The following ACSBG1 variants were observed in gnomAD, a reference collection of about 807,000 sequenced individuals.
ACSBG1 encodes long-chain-fatty-acid--CoA ligase ACSBG1.
Under a neutral mutation model 80.2 loss-of-function variants are expected in ACSBG1, and 39 were observed. The ratio of observed to expected loss-of-function variants is 0.49; its 90% CI spans 0.38 to 0.64. The LOEUF is 0.64. ACSBG1 is among the 30% of genes least tolerant of loss of function. The pLI is 0.00. For missense variants in ACSBG1, 828 were observed against 966.4 expected, an observed-to-expected ratio of 0.86 and a Z score of 1.90; for synonymous variants, 392 against 379.5, an observed-to-expected ratio of 1.03 and a Z score of -0.38.
chr15:78,214,803 C>T (rs1220103456), intron 1 of ACSBG1, among the ~76,000 whole-genome samples: 3 of 152,176 alleles, frequency 2.0e-5, no homozygotes, highest in Non-Finnish European at 2.9e-5. Flanking sequence ...AGGGGTTGTT[C>T]AAGGTCCTCC....
chr15:78,207,153 G>A (rs560969547), intron 2 of ACSBG1, among the ~76,000 whole-genome samples: 1 of 152,272 alleles, frequency 6.6e-6, no homozygotes, highest in Non-Finnish European at 1.5e-5. Context: ...CCCTGTTCCT[G>A]GCCTCTCTCC....
chr15:78,213,355 A>G (rs1310049806), intron 1 of ACSBG1: 2 of 152,284 alleles, frequency 1.3e-5, no homozygotes. Flanking sequence ...CCTAATTGCC[A>G]ATTCCCAGCC....
At chr15:78,193,654 T>C in intron 4 of ACSBG1, 28 bp from the exon 5 acceptor site, 1 of 1,603,674 alleles carries the variant, frequency 6.2e-7, no homozygotes, top group Non-Finnish European at 8.5e-7. Context: ...AGATTCACCT[T>C]AGGGGAGGTG....
chr15:78,171,697 T>C (rs2074824989), intron 13 of ACSBG1, 168 bp from the exon 14 acceptor site: 2 of 584,550 alleles, frequency 3.4e-6, no homozygotes, highest in Non-Finnish European at 3.1e-6. Flanking sequence ...GGTATTCATA[T>C]GGCTTGTGTG....
intron 2 of ACSBG1, among the ~76,000 whole-genome samples, chr15:78,200,149 C>T (rs2075153348): frequency 6.6e-6 from 1 of 152,232 alleles, no homozygotes; most frequent in Admixed American, 6.5e-5. Flanking sequence ...TTTCCTCTTC[C>T]ATGGAGCCTG....
In ACSBG1 at chr15:78,194,414, C is replaced by T. The variant is rs1031320116; in HGVS notation, c.453+92G>A. ...CAGTTATTGTTCCTAAGAGCCTTGC[C>T]CAGTGGGCAGTTGGAGAGGAGGCCT... On this transcript the variant is annotated intron_variant, in intron 3 of 13. Transcript: ENST00000258873. 2.1e-5 allele frequency: 25 copies of T among 1,204,968 alleles called. No homozygotes were observed. In the South Asian group the frequency reaches 2.8e-4, roughly 14 times the overall value. The allele number at this position is 1,204,968 out of a possible 1,614,324, so 74.6% of individuals were successfully genotyped here. A position where few individuals can be genotyped will look rare whatever the true frequency, so the allele number is the denominator to read the frequency against.
rs1056630052 is a variant in ACSBG1, at chr15:78,170,419, C to A, written c.*1025G>T. 6.6e-6 allele frequency: 1 copy of A among 151,906 alleles called. No individual in the cohort carries two copies. The highest frequency in any genetic ancestry group is 1.5e-5 in the Non-Finnish European group (1 of 67,998). 9.4% of individuals were successfully genotyped at this position (151,906 alleles called of 1,614,324 possible). ...GGTCACTTTTTAAGCTTGTAACCGCCCCCCCAGACTTATAATCTTAAATGT... is the reference window on the plus strand; with the variant it reads ...GGTCACTTTTTAAGCTTGTAACCGCACCCCCAGACTTATAATCTTAAATGT... On this transcript the variant is annotated 3_prime_UTR_variant, in exon 14 of 14. Transcript: ENST00000258873.
At chr15:78,190,496 A>G (rs547860107) in intron 5 of ACSBG1, among the ~76,000 whole-genome samples, 9 of 141,476 alleles carry the variant, frequency 6.4e-5, no homozygotes, top group Admixed American at 2.1e-4. Flanking sequence ...GCTTGAGCCC[A>G]GGAGGTTGAG....
chr15:78,232,932 C>G (rs1460426188), intron 1 of ACSBG1, among the ~76,000 whole-genome samples: 2 of 152,188 alleles, frequency 1.3e-5, no homozygotes, highest in Non-Finnish European at 2.9e-5. Context: ...CCACCCGACT[C>G]AGCCTCCCAA....
intron 5 of ACSBG1, among the ~76,000 whole-genome samples, chr15:78,192,714 TC>T (rs2141345991): frequency 6.6e-6 from 1 of 152,282 alleles, no homozygotes; most frequent in Admixed American, 6.5e-5. Context: ...CCTCTGGGGA[TC>T]CAGATCGCAT....
At chr15:78,176,437 A>G (rs895924954) in intron 11 of ACSBG1, among the ~76,000 whole-genome samples, 1 of 152,240 alleles carries the variant, frequency 6.6e-6, no homozygotes, top group Non-Finnish European at 1.5e-5. Context: ...CAAATGATCC[A>G]CAAAAGGTCA....
intron 1 of ACSBG1, among the ~76,000 whole-genome samples, chr15:78,209,537 G>A (rs2075250119): frequency 6.6e-6 from 1 of 152,210 alleles, no homozygotes; most frequent in Admixed American, 6.5e-5. Context: ...TTGGATCCTT[G>A]GTTACAGCTC....
At chr15:78,210,392 G>A (rs1227021592) in intron 1 of ACSBG1, among the ~76,000 whole-genome samples, 1 of 152,198 alleles carries the variant, frequency 6.6e-6, no homozygotes, top group African/African-American at 2.4e-5. Flanking sequence ...GGCTTTGAGA[G>A]GTGGTCCCTT....
chr15:78,175,974 A>C (rs1595879058), intron 11 of ACSBG1, among the ~76,000 whole-genome samples: 1 of 151,496 alleles, frequency 6.6e-6, no homozygotes, highest in East Asian at 1.9e-4. Flanking sequence ...ATGATTAAAA[A>C]AAACCCTTAG....
Position 78,179,591 on chromosome 15 carries a change from G to A in ACSBG1, c.1443C>T (p.Gly481=). Residue 481 remains glycine, a synonymous_variant, in exon 10 of 14, where the codon GGC becomes GGT. Coordinates refer to ENST00000258873, the MANE Select transcript of ACSBG1 (RefSeq NM_015162.5). The stretch of plus-strand genomic sequence containing the variant: ...TGTAGGGACTGGACATGAAGTGGGG[G>A]CCTGAGGTCTCACTGAGGCCGTAGC... The part of the protein sequence containing the change: ...YAGYGLSETS[G]PHFMSSPYNY... The A allele has an allele frequency of 6.2e-7, 1 of 1,614,128 alleles. No homozygotes were observed. The highest frequency in any genetic ancestry group is 8.5e-7 in the Non-Finnish European group (1 of 1,179,986).
intron 5 of ACSBG1, among the ~76,000 whole-genome samples, chr15:78,184,385 G>A (rs766030343): frequency 9.9e-5 from 15 of 151,104 alleles, no homozygotes; most frequent in Non-Finnish European, 1.6e-4. Flanking sequence ...GTCTCACTAT[G>A]TTGCCCAGGC....
chr15:78,199,351 C>T (rs902474122), intron 2 of ACSBG1, among the ~76,000 whole-genome samples: 1 of 151,550 alleles, frequency 6.6e-6, no homozygotes, highest in Non-Finnish European at 1.5e-5. Context: ...TCCCAAAGTG[C>T]TAGGATTACA....
chr15:78,169,537 T>A lies in ACSBG1; in HGVS notation c.*1907A>T, dbSNP rs1383100484. On this transcript the variant is annotated 3_prime_UTR_variant, in exon 14 of 14. Coordinates refer to ENST00000258873, the MANE Select transcript of ACSBG1 (RefSeq NM_015162.5). ...GTGAATGTGGTATATTTCTAAATGA[T>A]ATGGAAAATAGAGACAGATTTGTCC... 1 of 152,212 alleles carries A rather than the reference T, an allele frequency of 6.6e-6. No individual in the cohort carries two copies. Among genetic ancestry groups the A allele is most frequent in the Non-Finnish European group, 1.5e-5 (1 of 68,038 alleles). The allele number at this position is 152,212 out of a possible 1,614,324, so 9.4% of individuals were successfully genotyped here.
At chr15:78,187,941 A>C (rs2075021379) in intron 5 of ACSBG1, among the ~76,000 whole-genome samples, 1 of 152,134 alleles carries the variant, frequency 6.6e-6, no homozygotes, top group Non-Finnish European at 1.5e-5. Context: ...GTCTCAGCCC[A>C]AAATCTCCTT....
Sources: gnomAD v4.1 joint callset for allele counts (sites outside exome capture counted in the v4.1 genomes callset) on GRCh38, gnomAD v4.1.1 for gene constraint, MANE v1.5 for transcripts, NCBI Gene and HGNC (gene_info 2026-07-23, HGNC 2026-07-21) for gene names.